BTK: variants seen among roughly 807,000 people sequenced by gnomAD.
BTK encodes the protein Bruton tyrosine kinase.
BTK carries 5 observed loss-of-function variants against 57.4 expected under a neutral mutation model. That is an observed-to-expected ratio of 0.09 (90% CI 0.05 to 0.18). BTK has a LOEUF of 0.18. Among genes scored for constraint, BTK ranks in the 10% least tolerant of loss-of-function variants. BTK has a pLI of 1.00. For synonymous variants in BTK, 154 were observed against 174.3 expected (o/e 0.88, Z 0.92); for missense variants, 194 against 501.2 (o/e 0.39, Z 5.85).
intron 9 of BTK, among the ~76,000 whole-genome samples, chrX:101,359,865 A>G (rs1324780982): frequency 9.5e-6 from 1 of 105,588 alleles, no homozygotes; most frequent in Admixed American, 1.1e-4. Context: ...AATATGTTGA[A>G]AGTAGAAAAA....
chrX:101,352,563 G>A lies in BTK; in HGVS notation c.1908+631C>T, dbSNP rs141046647. 1.6e-3 allele frequency among the ~76,000 whole-genome samples: 172 copies of A among 110,586 alleles called. 2 individuals are homozygous for A. In the East Asian group the frequency reaches 0.037, roughly 24 times the overall value. ...GCGGATCACTTGAGGCCAGGAGTTC[G>A]AGATCAGCCTGGTCAACATGGCGAA... On this transcript the variant is annotated intron_variant, in intron 18 of 18. Coordinates refer to ENST00000308731, the MANE Select transcript of BTK (RefSeq NM_000061.3).
At chrX:101,381,009 A>G (rs1555981672) in intron 1 of BTK, among the ~76,000 whole-genome samples, 1 of 94,920 alleles carries the variant, frequency 1.1e-5, no homozygotes, top group African/African-American at 4.5e-5. Flanking sequence ...TCGGTCGCGA[A>G]AAAAAAAAAA....
chrX:101,369,829 CTCTT>C lies in BTK; in HGVS notation c.391+165_391+168del, dbSNP rs200888149. ...CCTGTCTCCCTCCTCCCCTCCCTCT[CTCTT>C]TCTTTTCTCCCCTTCTATCCATTTT... On this transcript the variant is annotated intron_variant, in intron 5 of 18. Coordinates refer to ENST00000308731, the MANE Select transcript of BTK (RefSeq NM_000061.3). Among the ~76,000 whole-genome samples the C allele has an allele frequency of 0.015, 1,575 of 107,249 alleles. 12 individuals carry two copies. The highest frequency in any genetic ancestry group is 0.023 in the Non-Finnish European group (1,180 of 51,743). The allele number at this position is 107,249 out of a possible 115,157, so 93.1% of individuals were successfully genotyped here.
intron 18 of BTK, among the ~76,000 whole-genome samples, chrX:101,350,164 T>C (rs782636747): frequency 9.1e-6 from 1 of 110,450 alleles, no homozygotes. Context: ...ACTCAGGTTA[T>C]TAGTGTGATA....
chrX:101,384,662 T>C (rs1164428441), intron 1 of BTK, among the ~76,000 whole-genome samples: 3 of 110,399 alleles, frequency 2.7e-5, no homozygotes, highest in African/African-American at 6.6e-5. Context: ...GCAATGGAAA[T>C]TTGGACTTCA....
At chrX:101,363,564 C>T (rs1458729907) in intron 5 of BTK, among the ~76,000 whole-genome samples, 1 of 109,580 alleles carries the variant, frequency 9.1e-6, no homozygotes, top group African/African-American at 3.3e-5. Context: ...ACTAAAAGTA[C>T]AAAAATTACA....
At chrX:101,360,056 G>C (rs1245080743) in intron 9 of BTK, 32 bp downstream of exon 9, 1 of 998,150 alleles carries the variant, frequency 1.0e-6, no homozygotes, top group Admixed American at 2.3e-5. Flanking sequence ...AGTTCCTCCT[G>C]GAAGATTGTG....
chrX:101,389,496 A>C (rs1482836234), upstream of BTK, among the ~76,000 whole-genome samples: 2 of 111,600 alleles, frequency 1.8e-5, no homozygotes, highest in African/African-American at 6.5e-5. Flanking sequence ...GGTAGTGGTA[A>C]TATATTTATT....
chrX:101,353,035 C>A, intron 18 of BTK, 159 bp downstream of exon 18: 2 of 528,793 alleles, frequency 3.8e-6, no homozygotes, highest in East Asian at 7.0e-5. Context: ...CACTGTACTC[C>A]AACCTGGGTG....
chrX:101,379,455 C>T (rs1305684003), intron 1 of BTK, among the ~76,000 whole-genome samples: 7 of 111,794 alleles, frequency 6.3e-5, no homozygotes, highest in African/African-American at 2.0e-4. Context: ...TTCTACCTGA[C>T]AGGCATTTTA....
At chrX:101,360,784 G>A (rs1555978535) in intron 7 of BTK, 29 bp from the exon 8 acceptor site, 2 of 1,188,100 alleles carry the variant, frequency 1.7e-6, no homozygotes, top group East Asian at 5.9e-5. Context: ...AGGTAGGAGG[G>A]TTTGTCAAGA....
chrX:101,376,063 A>T (rs1927205425), intron 1 of BTK, among the ~76,000 whole-genome samples: 1 of 111,254 alleles, frequency 9.0e-6, no homozygotes, highest in Admixed American at 9.6e-5. Context: ...AAAGTGATGC[A>T]ACTGTCTTAC....
chrX:101,366,555 CATT>C (rs782667324), intron 5 of BTK, among the ~76,000 whole-genome samples: 170 of 111,578 alleles, frequency 1.5e-3, no homozygotes, highest in African/African-American at 5.4e-3. Context: ...GGAATAATAT[CATT>C]ATTTTGTGGC....
intron 1 of BTK, among the ~76,000 whole-genome samples, chrX:101,385,746 T>C (rs1230800310): frequency 8.9e-6 from 1 of 112,609 alleles, no homozygotes; most frequent in Non-Finnish European, 1.9e-5. Context: ...GACTGCTCCC[T>C]GCAATATTAC....
In BTK at chrX:101,349,605, G is replaced by T; in HGVS notation, c.*280C>A. The T allele has an allele frequency of 3.0e-6, 1 of 330,930 alleles. No individual in the cohort carries two copies. Among genetic ancestry groups the T allele is most frequent in the Non-Finnish European group, 5.3e-6 (1 of 189,152 alleles). The allele number at this position is 330,930 out of a possible 1,213,427, so 27.3% of individuals were successfully genotyped here. Reference sequence around the variant, plus strand: ...AAGAGCTGTTGGACCCCTTTGTGCGGCTATTTACATCCTCCCTCCTAAAAA... The same window carrying T: ...AAGAGCTGTTGGACCCCTTTGTGCGTCTATTTACATCCTCCCTCCTAAAAA... On this transcript the variant is annotated 3_prime_UTR_variant, in exon 19 of 19. Coordinates refer to ENST00000308731, the MANE Select transcript of BTK (RefSeq NM_000061.3).
chrX:101,386,822 T>G (rs1172809340), upstream of BTK, among the ~76,000 whole-genome samples: 1 of 112,244 alleles, frequency 8.9e-6, no homozygotes, highest in Admixed American at 9.5e-5. Flanking sequence ...CTTTCTCCAT[T>G]TAAGATTTGG....
At chrX:101,360,347 G>A (rs1405010567) in intron 8 of BTK, among the ~76,000 whole-genome samples, 197 bp from the exon 9 acceptor site, 2 of 112,225 alleles carry the variant, frequency 1.8e-5, no homozygotes, top group Non-Finnish European at 3.8e-5. Context: ...TGCACATGTT[G>A]CATTGGTTAT....
chrX:101,385,829 A>G (rs1938638485), intron 1 of BTK, among the ~76,000 whole-genome samples: 1 of 110,773 alleles, frequency 9.0e-6, no homozygotes, highest in Non-Finnish European at 1.9e-5. Context: ...CTCATGTCAC[A>G]TTTTTCTCTT....
chrX:101,371,461 G>C (rs782263904), intron 4 of BTK, among the ~76,000 whole-genome samples, 172 bp downstream of exon 4: 3 of 111,913 alleles, frequency 2.7e-5, no homozygotes, highest in East Asian at 2.8e-4. Flanking sequence ...TAGGTAAATA[G>C]AAAAGCAAAC....
Sources: allele counts gnomAD v4.1 joint callset (sites outside exome capture counted in the v4.1 genomes callset), GRCh38; gene constraint gnomAD v4.1.1; transcripts MANE v1.5; gene names NCBI Gene and HGNC (gene_info 2026-07-23, HGNC 2026-07-21).